THSD4: variants seen among roughly 807,000 people sequenced by gnomAD.
THSD4 encodes thrombospondin type-1 domain-containing protein 4.
THSD4 carries 69 observed loss-of-function variants against 119.0 expected under a neutral mutation model. The observed-to-expected ratio is 0.58, with a 90% CI of 0.48 to 0.71. The LOEUF (loss-of-function observed/expected upper bound fraction) is 0.71, where lower values mean the gene tolerates loss of function less well. Among genes scored for constraint, THSD4 ranks in the 30% least tolerant of loss-of-function variants. The pLI is 0.00. For synonymous variants in THSD4, 524 were observed against 540.4 expected, an observed-to-expected ratio of 0.97 and a Z score of 0.42; for missense variants, 1,393 against 1,391.1, an observed-to-expected ratio of 1.00 and a Z score of -0.02.
chr15:71,519,223 G>A (rs888913662), intron 7 of THSD4, among the ~76,000 whole-genome samples: 1 of 152,114 alleles, frequency 6.6e-6, no homozygotes, highest in African/African-American at 2.4e-5. Flanking sequence ...GCAGCAAGAA[G>A]GCCAGTTTTG....
At chr15:71,314,472 A>C (rs1409429678) in intron 6 of THSD4, among the ~76,000 whole-genome samples, 1 of 151,950 alleles carries the variant, frequency 6.6e-6, no homozygotes, top group African/African-American at 2.4e-5. Context: ...ACGCGCAGCT[A>C]ATTATTGTAT....
At chr15:71,199,725 GTAGTGTGT>G (rs2043769356) in intron 3 of THSD4, among the ~76,000 whole-genome samples, 3 of 129,690 alleles carry the variant, frequency 2.3e-5, no homozygotes, top group Non-Finnish European at 3.4e-5. Flanking sequence ...GTGTGTGTGT[GTAGTGTGT>G]GTGTAGTGTG....
chr15:71,441,663 CA>C (rs1566984325), intron 7 of THSD4, among the ~76,000 whole-genome samples: 1 of 151,764 alleles, frequency 6.6e-6, no homozygotes, highest in Non-Finnish European at 1.5e-5. Context: ...AAAGTGCTGG[CA>C]TTACAGGCGT....
intron 8 of THSD4, among the ~76,000 whole-genome samples, chr15:71,723,430 T>C (rs746743277): frequency 6.6e-6 from 1 of 152,244 alleles, no homozygotes. Context: ...CATTTGCTTA[T>C]GGAGTACTTG....
At chr15:71,203,264 T>C (rs2043817856) in intron 3 of THSD4, among the ~76,000 whole-genome samples, 1 of 152,096 alleles carries the variant, frequency 6.6e-6, no homozygotes, top group Non-Finnish European at 1.5e-5. Context: ...TGGGATGCCA[T>C]GGCAAAGAGT....
At chr15:71,323,117 A>G (rs1165186491) in intron 6 of THSD4, among the ~76,000 whole-genome samples, 1 of 151,560 alleles carries the variant, frequency 6.6e-6, no homozygotes, top group East Asian at 1.9e-4. Context: ...AAAAAAAAAA[A>G]AAGATCGTAG....
At chr15:71,657,233 C>T (rs888325430) in intron 7 of THSD4, among the ~76,000 whole-genome samples, 1 of 152,172 alleles carries the variant, frequency 6.6e-6, no homozygotes, top group African/African-American at 2.4e-5. Context: ...TTCCAGGCAG[C>T]CTTTTCAGTG....
In THSD4 at chr15:71,731,212, G is replaced by C; in HGVS notation, c.1625G>C (p.Arg542Thr). ...AISPQVPPHR[R>T]PGEPFNGQMV... ...AGCCCCCAGGTGCCACCCCACAGGA[G>C]ACCAGGTAGAATCCCTTGTCTTGTG... is the stretch of plus-strand genomic sequence containing the variant. The change falls in exon 10 of 18, where the codon AGA becomes ACA. Residue 542 changes from arginine (R) to threonine (T), a missense_variant. Physicochemically the swap from Arg to Thr is moderately conservative, Grantham distance 71. Coordinates refer to ENST00000261862, the MANE Select transcript of THSD4 (RefSeq NM_024817.3). 1 of 1,614,124 alleles carries C rather than the reference G, an allele frequency of 6.2e-7. No homozygotes were observed.
At chr15:71,121,455 T>C (rs1039748168) in intron 1 of THSD4, among the ~76,000 whole-genome samples, 3 of 152,104 alleles carry the variant, frequency 2.0e-5, no homozygotes, top group African/African-American at 7.2e-5. Context: ...GCGCCAAGGC[T>C]TGCTTTGGGT....
At chr15:71,476,784 G>A (rs1005385293) in intron 7 of THSD4, among the ~76,000 whole-genome samples, 1 of 152,102 alleles carries the variant, frequency 6.6e-6, no homozygotes, top group African/African-American at 2.4e-5. Context: ...TGCAGCCCAG[G>A]TCTCTCTCCC....
At chr15:71,303,981 G>A (rs1290278514) in intron 6 of THSD4, among the ~76,000 whole-genome samples, 7 of 152,126 alleles carry the variant, frequency 4.6e-5, no homozygotes, top group African/African-American at 1.4e-4. Context: ...ATGACCTTCA[G>A]GATCAGAGGG....
chr15:71,145,315 G>A (rs576646081), intron 2 of THSD4, among the ~76,000 whole-genome samples: 1 of 152,252 alleles, frequency 6.6e-6, no homozygotes, highest in Admixed American at 6.5e-5. Flanking sequence ...TTTTTATTTT[G>A]AACAGTAGTT....
At chr15:71,098,833 T>C (rs1036299881) in intron 1 of THSD4, among the ~76,000 whole-genome samples, 9 of 152,162 alleles carry the variant, frequency 5.9e-5, no homozygotes, top group Non-Finnish European at 4.4e-5. Flanking sequence ...AGTAGAAAGG[T>C]AATTTATATT....
intron 1 of THSD4, among the ~76,000 whole-genome samples, chr15:71,103,022 G>A (rs914905207): frequency 6.6e-6 from 1 of 152,126 alleles, no homozygotes. Flanking sequence ...AGTGTCTGTT[G>A]ATTGTCTCGT....
At chr15:71,463,841 A>G (rs80316115) in intron 7 of THSD4, among the ~76,000 whole-genome samples, 4,037 of 152,192 alleles carry the variant, frequency 0.027, 90 homozygotes, top group South Asian at 0.065. Context: ...TCATTTGTCT[A>G]CTCTGTACCA....
At chr15:71,637,668 G>T (rs2050771677) in intron 7 of THSD4, among the ~76,000 whole-genome samples, 1 of 152,090 alleles carries the variant, frequency 6.6e-6, no homozygotes, top group African/African-American at 2.4e-5. Flanking sequence ...GCAATGGGGA[G>T]TTGTTGTTTC....
At chr15:71,208,969 C>T (rs1250325623) in intron 3 of THSD4, among the ~76,000 whole-genome samples, 1 of 152,124 alleles carries the variant, frequency 6.6e-6, no homozygotes, top group Non-Finnish European at 1.5e-5. Flanking sequence ...CCTAGCCTCA[C>T]CCCATGCAGG....
intron 14 of THSD4, among the ~76,000 whole-genome samples, chr15:71,749,586 G>A (rs781487731): frequency 2.4e-4 from 37 of 152,292 alleles, no homozygotes; most frequent in African/African-American, 6.5e-4. Flanking sequence ...GTGCGTACAC[G>A]TTACCTGTGA....
chr15:71,265,666 G>T (rs2044456638), intron 6 of THSD4, among the ~76,000 whole-genome samples: 3 of 152,106 alleles, frequency 2.0e-5, no homozygotes, highest in African/African-American at 7.2e-5. Context: ...AGCTCAGCAG[G>T]TCCCACCCCC....
Sources: gnomAD v4.1 joint callset for allele counts (sites outside exome capture counted in the v4.1 genomes callset) on GRCh38, gnomAD v4.1.1 for gene constraint, MANE v1.5 for transcripts, NCBI Gene and HGNC (gene_info 2026-07-23, HGNC 2026-07-21) for gene names.